Variants in PIGN observed in about 807,000 individuals in gnomAD.
PIGN encodes the protein GPI ethanolamine phosphate transferase 1.
PIGN carries 117 observed loss-of-function variants against 125.4 expected under a neutral mutation model. That is an observed-to-expected ratio of 0.93 (90% CI 0.80 to 1.09). The LOEUF (loss-of-function observed/expected upper bound fraction) is 1.09, where lower values mean the gene tolerates loss of function less well. Among genes scored for constraint, PIGN ranks in the 50% least tolerant of loss-of-function variants. PIGN has a pLI of 0.00. For synonymous variants in PIGN, 392 were observed against 377.8 expected, an observed-to-expected ratio of 1.04 and a Z score of -0.44; for missense variants, 1,075 against 1,094.9, an observed-to-expected ratio of 0.98 and a Z score of 0.26.
intron 14 of PIGN, chr18:62,136,089 T>C (rs1395351967): frequency 6.6e-6 from 1 of 152,300 alleles, no homozygotes; most frequent in East Asian, 1.9e-4. Context: ...GAAAAACATA[T>C]GAACATTTAT....
At chr18:62,105,719 G>T in intron 19 of PIGN, 85 bp from the exon 20 acceptor site, 1 of 704,020 alleles carries the variant, frequency 1.4e-6, no homozygotes, top group Non-Finnish European at 2.3e-6. Flanking sequence ...GACTGTGAAG[G>T]TAAAAGGAAA....
intron 26 of PIGN, 143 bp downstream of exon 26, chr18:62,085,066 C>A: frequency 1.7e-6 from 1 of 591,310 alleles, no homozygotes; most frequent in Non-Finnish European, 3.0e-6. Flanking sequence ...CGAGATCACA[C>A]CACTGCCCTC....
intron 14 of PIGN, among the ~76,000 whole-genome samples, chr18:62,123,843 A>C (rs1453988670): frequency 6.6e-6 from 1 of 152,128 alleles, no homozygotes; most frequent in Non-Finnish European, 1.5e-5. Flanking sequence ...AGACAATAGG[A>C]AACTTGGAAG....
At chr18:62,184,240 T>A (rs746443980) in intron 1 of PIGN, among the ~76,000 whole-genome samples, 1 of 152,192 alleles carries the variant, frequency 6.6e-6, no homozygotes, top group Middle Eastern at 3.2e-3. Context: ...AAATAATTTT[T>A]TAAATACTAA....
At chr18:62,142,148 T>G (rs2036162499) in intron 11 of PIGN, among the ~76,000 whole-genome samples, 1 of 152,214 alleles carries the variant, frequency 6.6e-6, no homozygotes, top group South Asian at 2.1e-4. Flanking sequence ...TTCTTACCCC[T>G]AAGGTATACA....
chr18:62,073,432 A>G (rs554858453), intron 29 of PIGN, among the ~76,000 whole-genome samples: 1 of 152,264 alleles, frequency 6.6e-6, no homozygotes, highest in African/African-American at 2.4e-5. Context: ...GGTAGTGTCA[A>G]AGGGAGGATG....
intron 30 of PIGN, among the ~76,000 whole-genome samples, chr18:62,059,772 CATTT>C (rs2032001960): frequency 1.3e-5 from 2 of 152,138 alleles, no homozygotes; most frequent in South Asian, 2.1e-4. Flanking sequence ...TGACTTAAAA[CATTT>C]ATTAAATCAT....
intron 14 of PIGN, chr18:62,136,348 A>G (rs2147100898): frequency 6.6e-6 from 1 of 152,238 alleles, no homozygotes; most frequent in East Asian, 1.9e-4. Flanking sequence ...TGTAATATTT[A>G]TGCCTTTCTT....
chr18:62,183,826 G>A (rs1263620494), intron 1 of PIGN, among the ~76,000 whole-genome samples: 2 of 147,584 alleles, frequency 1.4e-5, no homozygotes, highest in Non-Finnish European at 3.0e-5. Flanking sequence ...AACAAGATGT[G>A]AAGACTGAAA....
At chr18:62,158,859 A>C (rs1162534766) in intron 4 of PIGN, among the ~76,000 whole-genome samples, 1 of 152,256 alleles carries the variant, frequency 6.6e-6, no homozygotes, top group Non-Finnish European at 1.5e-5. Context: ...AACTGGACTT[A>C]AACAGAAAGG....
intron 1 of PIGN, among the ~76,000 whole-genome samples, chr18:62,172,119 T>A (rs2037363933): frequency 6.6e-6 from 1 of 152,144 alleles, no homozygotes; most frequent in Non-Finnish European, 1.5e-5. Flanking sequence ...ATCCAATGTC[T>A]TCACATATAT....
chr18:62,102,087 C>T (rs1033793000), intron 21 of PIGN, among the ~76,000 whole-genome samples: 1 of 151,372 alleles, frequency 6.6e-6, no homozygotes, highest in Non-Finnish European at 1.5e-5. Context: ...ATTAGCCAGG[C>T]GTAGTGGCTC....
At chr18:62,023,910 A>C (rs1432601860) in intron 23 of PIGN, among the ~76,000 whole-genome samples, 1 of 152,176 alleles carries the variant, frequency 6.6e-6, no homozygotes, top group African/African-American at 2.4e-5. Context: ...TGTGTACTTT[A>C]TGCAGTTACT....
In PIGN at chr18:62,148,336, G is replaced by A. The variant is rs747526155; in HGVS notation, c.552C>T (p.Asp184=). The A allele has an allele frequency of 7.4e-6, 11 of 1,496,240 alleles. No individual in the cohort carries two copies. The highest frequency in any genetic ancestry group is 9.9e-6 in the Non-Finnish European group (11 of 1,114,896). The allele number at this position is 1,496,240 out of a possible 1,614,324, so 92.7% of individuals were successfully genotyped here. The part of the protein sequence containing the change: ...LDTWVFDNVK[D]FFHHARNNQS... Reference sequence around the variant, plus strand: ...GGTTGTTTCTGGCATGATGAAAGAAGTCCTACATATAACAAATGAGTTAAA... The same window carrying A: ...GGTTGTTTCTGGCATGATGAAAGAAATCCTACATATAACAAATGAGTTAAA... The change falls in exon 8 of 31, where the codon GAC becomes GAT. Residue 184 remains aspartate, a splice_region_variant and synonymous_variant. Transcript: ENST00000640252.
intron 23 of PIGN, among the ~76,000 whole-genome samples, chr18:62,033,162 G>A (rs2030213995): frequency 6.6e-6 from 1 of 152,122 alleles, no homozygotes; most frequent in Admixed American, 6.5e-5. Context: ...CACTATATGG[G>A]GCCACCTTCA....
At chr18:62,131,237 T>C (rs1354236451) in intron 14 of PIGN, among the ~76,000 whole-genome samples, 1 of 152,262 alleles carries the variant, frequency 6.6e-6, no homozygotes, top group Non-Finnish European at 1.5e-5. Context: ...TTATCAAATT[T>C]ATATAATAAT....
At chr18:62,159,086 G>T (rs28551140) in intron 4 of PIGN, among the ~76,000 whole-genome samples, 25,002 of 152,060 alleles carry the variant, frequency 0.16, 2,744 homozygotes, top group Middle Eastern at 0.29. Context: ...TCTACCAAAG[G>T]TACAAAAATT....
At position 62,041,298 on chromosome 18, in the gene PIGN, C is replaced by G. The variant is rs967103339; in HGVS notation, c.*4558G>C. The G allele has an allele frequency of 1.1e-4, 16 of 152,240 alleles. No individual in the cohort carries two copies. The highest frequency in any genetic ancestry group is 3.9e-4 in the African/African-American group (16 of 41,536). 9.4% of individuals were successfully genotyped at this position (152,240 alleles called of 1,614,324 possible). On this transcript the variant is annotated 3_prime_UTR_variant, in exon 31 of 31. Coordinates refer to ENST00000640252, the MANE Select transcript of PIGN (RefSeq NM_176787.5). ...GCAATCTGGTACCACTGGCCTTTCCCACATGAAAGACTAAATGATGACAGG... is the reference window on the plus strand; with the variant it reads ...GCAATCTGGTACCACTGGCCTTTCCGACATGAAAGACTAAATGATGACAGG...
intron 14 of PIGN, among the ~76,000 whole-genome samples, chr18:62,126,291 G>T (rs1384889191): frequency 6.6e-6 from 1 of 151,896 alleles, no homozygotes; most frequent in African/African-American, 2.4e-5. Flanking sequence ...TCTACATTCT[G>T]CCAGATAAAC....
Sources: gnomAD v4.1 joint callset for allele counts (sites outside exome capture counted in the v4.1 genomes callset) on GRCh38, gnomAD v4.1.1 for gene constraint, MANE v1.5 for transcripts, NCBI Gene and HGNC (gene_info 2026-07-23, HGNC 2026-07-21) for gene names.